Variants in DNAAF4 observed in about 807,000 individuals in gnomAD.
DNAAF4 encodes dynein axonemal assembly factor 4.
DNAAF4 carries 43 observed loss-of-function variants against 51.8 expected under a neutral mutation model. The ratio of observed to expected loss-of-function variants is 0.83; its 90% confidence interval spans 0.65 to 1.07. The LOEUF (loss-of-function observed/expected upper bound fraction) is 1.07, where lower values mean the gene tolerates loss of function less well. DNAAF4 is among the 50% of genes least tolerant of loss of function. The probability of loss-of-function intolerance (pLI) is 0.00; values close to 1 mark genes in which losing one functional copy is unlikely to be tolerated. For synonymous variants in DNAAF4, 194 were observed against 165.6 expected, an observed-to-expected ratio of 1.17 and a Z score of -1.32; for missense variants, 581 against 493.0, an observed-to-expected ratio of 1.18 and a Z score of -1.69.
intron 5 of DNAAF4, among the ~76,000 whole-genome samples, chr15:55,458,114 T>C (rs1411981084): frequency 2.6e-5 from 4 of 152,154 alleles, no homozygotes; most frequent in Non-Finnish European, 5.9e-5. Flanking sequence ...ATTCTAGTAA[T>C]ATGACAATAC....
rs570652713 is a variant in DNAAF4, at chr15:55,487,120, G to A, written c.405+4003C>T. ...GAGGTGAAGCCAGCTGGACTTCCTGGGTCAAGTGGGGACTTGGAGAACTTT... is the reference window on the plus strand; with the variant it reads ...GAGGTGAAGCCAGCTGGACTTCCTGAGTCAAGTGGGGACTTGGAGAACTTT... On this transcript the variant is annotated intron_variant, in intron 4 of 9. Transcript: ENST00000321149. Among the ~76,000 whole-genome samples the A allele has an allele frequency of 5.3e-5, 8 of 152,272 alleles. No homozygotes were observed. In the South Asian group the frequency reaches 1.7e-3, roughly 32 times the overall value.
intron 4 of DNAAF4, among the ~76,000 whole-genome samples, chr15:55,476,539 T>C (rs560719053): frequency 2.6e-5 from 4 of 152,298 alleles, no homozygotes; most frequent in Non-Finnish European, 5.9e-5. Context: ...AAATGGTAAA[T>C]ATGTGGGTAA....
intron 7 of DNAAF4, among the ~76,000 whole-genome samples, chr15:55,420,623 G>A (rs578183125): frequency 6.6e-6 from 1 of 152,116 alleles, no homozygotes; most frequent in Non-Finnish European, 1.5e-5. Flanking sequence ...TTTAGTAATG[G>A]CACAAGCAAG....
rs193179690 is a variant in DNAAF4, at chr15:55,454,441, G to A, written c.638-4074C>T. ...TACCCAGGCTAGAGTGCAGTGGCAC[G>A]ATCTTGGCTCACTGCAGCCTCTGCC... On this transcript the variant is annotated intron_variant, in intron 5 of 9. Transcript: ENST00000321149. 6.6e-5 allele frequency among the ~76,000 whole-genome samples: 10 copies of A among 151,988 alleles called. 1 individual carries two copies. In the East Asian group the frequency reaches 9.7e-4, roughly 15 times the overall value.
intron 4 of DNAAF4, among the ~76,000 whole-genome samples, chr15:55,487,399 A>G (rs2058506199): frequency 6.6e-6 from 1 of 152,238 alleles, no homozygotes; most frequent in Non-Finnish European, 1.5e-5. Context: ...AAAATGGACC[A>G]ATCAGCACTC....
chr15:55,419,229 T>G (rs1369759314), intron 7 of DNAAF4, among the ~76,000 whole-genome samples: 1 of 151,884 alleles, frequency 6.6e-6, no homozygotes, highest in Non-Finnish European at 1.5e-5. Flanking sequence ...ACACTTATAT[T>G]TTTTATTTTT....
intron 4 of DNAAF4, among the ~76,000 whole-genome samples, chr15:55,488,844 T>G (rs1323298226): frequency 6.6e-6 from 1 of 152,176 alleles, no homozygotes; most frequent in Non-Finnish European, 1.5e-5. Context: ...ATCCCAGCAC[T>G]TCGGGAAGCC....
At chr15:55,439,628 A>G in intron 6 of DNAAF4, 47 bp from the exon 7 acceptor site, 1 of 1,510,310 alleles carries the variant, frequency 6.6e-7, no homozygotes, top group Non-Finnish European at 9.1e-7. Flanking sequence ...GTCTTTTTTT[A>G]ATTAACATTT....
In DNAAF4 at chr15:55,421,586, C is replaced by T. The variant is rs527550796; in HGVS notation, c.1048-3453G>A. On this transcript the variant is annotated intron_variant, in intron 7 of 7. Coordinates refer to the DNAAF4 transcript ENST00000448430. Reference sequence around the variant, plus strand: ...CATTATATACACAGTCATTCAGTGCCTATTAAAGTCCCAGGACTGGCTGGG... The same window carrying T: ...CATTATATACACAGTCATTCAGTGCTTATTAAAGTCCCAGGACTGGCTGGG... Among the ~76,000 whole-genome samples the T allele has an allele frequency of 4.1e-4, 63 of 152,076 alleles. No homozygotes were observed. The South Asian group carries it at 0.013, about 31-fold the overall frequency.
intron 6 of DNAAF4, among the ~76,000 whole-genome samples, chr15:55,440,994 T>A (rs1447204353): frequency 1.3e-5 from 2 of 151,720 alleles, no homozygotes; most frequent in Admixed American, 1.3e-4. Flanking sequence ...AACTTTTTTT[T>A]AAACCTCAAT....
chr15:55,444,343 C>T (rs2057762429), intron 6 of DNAAF4, among the ~76,000 whole-genome samples: 1 of 152,012 alleles, frequency 6.6e-6, no homozygotes. Flanking sequence ...TGTCAAAGAT[C>T]AGATGGTTGT....
intron 8 of DNAAF4, among the ~76,000 whole-genome samples, chr15:55,433,858 AATATATATT>A (rs2057543831): frequency 2.2e-5 from 1 of 45,058 alleles, no homozygotes; most frequent in African/African-American, 7.9e-5. Flanking sequence ...TATATATTAT[AATATATATT>A]ATATATATTA....
intron 6 of DNAAF4, among the ~76,000 whole-genome samples, chr15:55,442,267 C>T (rs1334273081): frequency 3.3e-5 from 5 of 152,096 alleles, no homozygotes; most frequent in Non-Finnish European, 5.9e-5. Context: ...TACAGGCACA[C>T]GCCACCATGC....
At chr15:55,505,400 C>T (rs2058721646) in intron 1 of DNAAF4, among the ~76,000 whole-genome samples, 1 of 152,128 alleles carries the variant, frequency 6.6e-6, no homozygotes, top group Admixed American at 6.6e-5. Context: ...CCATTTGACC[C>T]AGCAATCCCA....
rs1595899451 is a variant in DNAAF4, at chr15:55,443,255, T to A, written c.784-3674A>T. 8 of 1,598,374 alleles carry A rather than the reference T, an allele frequency of 5.0e-6. No individual in the cohort carries two copies. The East Asian group carries it at 1.8e-4, about 36-fold the overall frequency. Reference sequence around the variant, plus strand: ...ATGACTTCCTCAGAAGAAAATGACCTCAGCGCGGGTTGCGGCTCACTACCC... The same window carrying A: ...ATGACTTCCTCAGAAGAAAATGACCACAGCGCGGGTTGCGGCTCACTACCC... On this transcript the variant is annotated intron_variant, in intron 6 of 9. Transcript: ENST00000321149.
At chr15:55,429,092 C>T (rs1392340210), downstream of DNAAF4, among the ~76,000 whole-genome samples, 1 of 151,306 alleles carries the variant, frequency 6.6e-6, no homozygotes, top group Non-Finnish European at 1.5e-5. Context: ...TGTGGTGGCA[C>T]GCACCTGTAA....
chr15:55,447,871 G>GAGAGGGC (rs2057862826), intron 6 of DNAAF4, among the ~76,000 whole-genome samples: 2 of 113,056 alleles, frequency 1.8e-5, no homozygotes, highest in African/African-American at 3.2e-5. Flanking sequence ...GGGGAGAGGG[G>GAGAGGGC]AGAGGGGAGA....
chr15:55,418,487 G>C (rs1375296319), intron 7 of DNAAF4: 1 of 1,528,544 alleles, frequency 6.5e-7, no homozygotes, highest in African/African-American at 1.4e-5. Flanking sequence ...CAGAGCAACT[G>C]GATTTTATCA....
At chr15:55,499,147 G>C (rs957943285) in intron 1 of DNAAF4, among the ~76,000 whole-genome samples, 2 of 152,114 alleles carry the variant, frequency 1.3e-5, no homozygotes, top group Non-Finnish European at 2.9e-5. Flanking sequence ...TACAGACTGT[G>C]AACAAATGTG....
Sources: allele counts gnomAD v4.1 joint callset (sites outside exome capture counted in the v4.1 genomes callset), GRCh38; gene constraint gnomAD v4.1.1; transcripts MANE v1.5; gene names NCBI Gene and HGNC (gene_info 2026-07-23, HGNC 2026-07-21).